The following BID variants were observed in gnomAD, a reference collection of about 807,000 sequenced individuals.
The protein encoded by BID is BH3 interacting domain death agonist, also known as BH3-interacting domain death agonist.
BID carries 19 observed loss-of-function variants against 17.4 expected under a neutral mutation model. That is an observed-to-expected ratio of 1.09 (90% CI 0.76 to 1.60). BID has a LOEUF of 1.60. BID is among the 40% of genes most tolerant of loss of function. The pLI is 0.00. For missense variants in BID, 226 were observed against 256.0 expected (o/e 0.88, Z 0.80); for synonymous variants, 108 against 102.8 (o/e 1.05, Z -0.31).
chr22:17,771,802 T>C (rs537320638), intron 1 of BID, among the ~76,000 whole-genome samples: 27 of 144,852 alleles, frequency 1.9e-4, no homozygotes, highest in African/African-American at 7.8e-4. Flanking sequence ...GCAGTGGCTC[T>C]TGGGGAAAAC....
At chr22:17,772,765 G>A (rs1039133753) in intron 1 of BID, among the ~76,000 whole-genome samples, 2 of 152,028 alleles carry the variant, frequency 1.3e-5, no homozygotes, top group African/African-American at 4.8e-5. Flanking sequence ...CACGTCAGCC[G>A]AGCCTGTGAG....
At chr22:17,741,893 C>T (rs2061461974) in intron 3 of BID, among the ~76,000 whole-genome samples, 1 of 152,194 alleles carries the variant, frequency 6.6e-6, no homozygotes, top group African/African-American at 2.4e-5. Context: ...GGAGCTGCAG[C>T]CCCAAAGTTT....
chr22:17,761,393 A>G (rs2061637232), intron 1 of BID, among the ~76,000 whole-genome samples: 1 of 151,712 alleles, frequency 6.6e-6, no homozygotes, highest in Non-Finnish European at 1.5e-5. Context: ...TCTGCCATCC[A>G]GGTGCATTAC....
At chr22:17,752,735 G>T (rs1381814103) in intron 1 of BID, among the ~76,000 whole-genome samples, 2 of 151,464 alleles carry the variant, frequency 1.3e-5, no homozygotes, top group Non-Finnish European at 2.9e-5. Flanking sequence ...GCATGATCTT[G>T]GCTCACTGCA....
intron 1 of BID, among the ~76,000 whole-genome samples, chr22:17,768,492 G>C (rs1485842922): frequency 6.6e-6 from 1 of 152,226 alleles, no homozygotes; most frequent in Non-Finnish European, 1.5e-5. Context: ...GGGAAGGCAG[G>C]TGTCCCTCAG....
At chr22:17,767,786 G>A (rs546051460) in intron 1 of BID, among the ~76,000 whole-genome samples, 3 of 152,266 alleles carry the variant, frequency 2.0e-5, no homozygotes, top group African/African-American at 7.2e-5. Context: ...TCCGCGAAGT[G>A]AAAAGTTCCA....
At chr22:17,740,345 CAGA>C (rs769380924) in intron 3 of BID, 22 of 636,598 alleles carry the variant, frequency 3.5e-5, no homozygotes, top group Non-Finnish European at 5.6e-5. Flanking sequence ...AGGCTGAGGA[CAGA>C]AGATTGCTTA....
At chr22:17,740,375 G>A in intron 3 of BID, 1 of 579,152 alleles carries the variant, frequency 1.7e-6, no homozygotes, top group Non-Finnish European at 3.1e-6. Context: ...GGAGTTAGAG[G>A]ATGCAGTGAG....
chr22:17,737,189 A>G (rs1047740337), intron 5 of BID, among the ~76,000 whole-genome samples: 2 of 152,026 alleles, frequency 1.3e-5, no homozygotes, highest in South Asian at 2.1e-4. Flanking sequence ...GCCTCAAGCA[A>G]TCCCACTGCT....
chr22:17,738,762 A>C (rs1261321005), intron 4 of BID, among the ~76,000 whole-genome samples: 1 of 152,194 alleles, frequency 6.6e-6, no homozygotes, highest in Non-Finnish European at 1.5e-5. Context: ...TTGGATTTCT[A>C]GGAGGTGAGG....
At chr22:17,768,845 C>A (rs1284932397) in intron 1 of BID, among the ~76,000 whole-genome samples, 1 of 148,780 alleles carries the variant, frequency 6.7e-6, no homozygotes, top group Admixed American at 6.7e-5. Flanking sequence ...TGCACTCTAG[C>A]CTGGGCGACA....
chr22:17,773,428 C>A lies in BID; in HGVS notation c.-59+953G>T, dbSNP rs1377269172. Among the ~76,000 whole-genome samples the A allele has an allele frequency of 6.6e-6, 1 of 152,166 alleles. No homozygotes were observed. Among genetic ancestry groups the A allele is most frequent in the Non-Finnish European group, 1.5e-5 (1 of 68,028 alleles). Reference sequence around the variant, plus strand: ...AGATGGAATGTGGAAAAACCGCATCCTCTGCAGCTCCCCCACAGTGAGAGC... The same window carrying A: ...AGATGGAATGTGGAAAAACCGCATCATCTGCAGCTCCCCCACAGTGAGAGC... On this transcript the variant is annotated intron_variant, in intron 1 of 5. Coordinates refer to ENST00000622694, the MANE Select transcript of BID (RefSeq NM_001196.4). The surrounding 1 kb of genome is among the most constrained non-coding windows in gnomAD (Gnocchi z 4.4).
chr22:17,753,400 C>G (rs2061556389), intron 1 of BID, among the ~76,000 whole-genome samples: 1 of 152,228 alleles, frequency 6.6e-6, no homozygotes, highest in Non-Finnish European at 1.5e-5. Flanking sequence ...CGGCCCAGAC[C>G]CTGGGGGCCC....
At chr22:17,737,942 G>A (rs1001435797) in intron 5 of BID, 75 bp downstream of exon 5, 9 of 1,528,430 alleles carry the variant, frequency 5.9e-6, no homozygotes, top group South Asian at 4.6e-5. Flanking sequence ...CAGGGGCCCC[G>A]CTGGGCTTCT....
At chr22:17,767,180 C>T (rs978010596) in intron 1 of BID, among the ~76,000 whole-genome samples, 6 of 150,768 alleles carry the variant, frequency 4.0e-5, no homozygotes, top group South Asian at 4.2e-4. Context: ...GCCGAGATCG[C>T]GCCACTGCAC....
chr22:17,741,471 T>A (rs1468925), intron 3 of BID, among the ~76,000 whole-genome samples: 5,566 of 149,824 alleles, frequency 0.037, 144 homozygotes, highest in East Asian at 0.088. Flanking sequence ...CACTGTAGCT[T>A]TTTTTTTTCT....
rs982800325 is a variant in BID at position 17,769,262 on chromosome 22, C to T, written c.-59+5119G>A. ...TATGGAGGGGCTGATGACCCAGGAG[C>T]GGCTGGCTGCTGGTGTGAGTACACG... On this transcript the variant is annotated intron_variant, in intron 1 of 5. Transcript: ENST00000622694. This position sits in a 1 kb window ranked among gnomAD's most constrained non-coding sequence, Gnocchi z 4.8. 4.6e-5 allele frequency among the ~76,000 whole-genome samples: 7 copies of T among 152,282 alleles called. No homozygotes were observed. Among genetic ancestry groups the T allele is most frequent in the Admixed American group, 2.6e-4 (4 of 15,292 alleles).
At chr22:17,766,886 G>A (rs977915871) in intron 1 of BID, among the ~76,000 whole-genome samples, 7 of 150,964 alleles carry the variant, frequency 4.6e-5, no homozygotes, top group African/African-American at 7.3e-5. Flanking sequence ...CACCATGCCC[G>A]GCCAAGAATT....
intron 2 of BID, among the ~76,000 whole-genome samples, chr22:17,746,506 G>A (rs2061496154): frequency 6.6e-6 from 1 of 152,236 alleles, no homozygotes; most frequent in Non-Finnish European, 1.5e-5. Flanking sequence ...AACAGGATGT[G>A]CTTCATTCCT....
Sources: allele counts gnomAD v4.1 joint callset (sites outside exome capture counted in the v4.1 genomes callset), GRCh38; gene constraint gnomAD v4.1.1; non-coding constraint Gnocchi (gnomAD v3.1); transcripts MANE v1.5; gene names NCBI Gene and HGNC (gene_info 2026-07-23, HGNC 2026-07-21).